WDPCP: variants seen among roughly 807,000 people sequenced by gnomAD.
The protein encoded by WDPCP is WD repeat containing planar cell polarity effector.
In WDPCP, 71 loss-of-function variants were observed where a neutral mutation model predicts 93.1. The observed-to-expected ratio is 0.76, with a 90% CI of 0.63 to 0.93. The LOEUF is 0.93. Among genes scored for constraint, WDPCP ranks in the 40% least tolerant of loss-of-function variants. WDPCP has a pLI of 0.00. For missense variants in WDPCP, 844 were observed against 887.4 expected, an observed-to-expected ratio of 0.95 and a Z score of 0.62; for synonymous variants, 315 against 315.0, an observed-to-expected ratio of 1.00 and a Z score of 0.00.
chr2:63,408,330 G>A (rs931698555), intron 9 of WDPCP, among the ~76,000 whole-genome samples: 1 of 152,146 alleles, frequency 6.6e-6, no homozygotes, highest in African/African-American at 2.4e-5. Flanking sequence ...AGAAACTGAA[G>A]GTCTGTTTGT....
intron 2 of WDPCP, among the ~76,000 whole-genome samples, chr2:63,677,668 TAAA>T (rs1710440604): frequency 1.3e-5 from 2 of 152,126 alleles, no homozygotes; most frequent in Admixed American, 6.6e-5. Flanking sequence ...TTCAAAATGC[TAAA>T]AGAAAATTAC....
chr2:63,547,574 C>T lies in WDPCP; in HGVS notation c.75+40623G>A, dbSNP rs66882849. 7.6e-4 allele frequency among the ~76,000 whole-genome samples: 115 copies of T among 150,924 alleles called. 1 individual carries two copies. The East Asian group carries it at 9.3e-3, about 12-fold the overall frequency. ...GTATGTATACACACACACACACACA[C>T]ACATACACACACAGACACACACACT... On this transcript the variant is annotated intron_variant, in intron 1 of 17. Transcript: ENST00000272321.
intron 15 of WDPCP, among the ~76,000 whole-genome samples, chr2:63,165,567 T>C (rs984587805): frequency 6.6e-6 from 1 of 152,010 alleles, no homozygotes; most frequent in Non-Finnish European, 1.5e-5. Context: ...TACCTGGTCA[T>C]CTGGGCCTTT....
chr2:63,429,642 T>C (rs1442047983), intron 9 of WDPCP, among the ~76,000 whole-genome samples: 1 of 151,984 alleles, frequency 6.6e-6, no homozygotes. Context: ...TGAGATACCA[T>C]CTCACACCAG....
chr2:63,379,487 G>A (rs1320617073), intron 11 of WDPCP, among the ~76,000 whole-genome samples: 1 of 151,950 alleles, frequency 6.6e-6, no homozygotes, highest in African/African-American at 2.4e-5. Flanking sequence ...AACTTTAGGG[G>A]TATTTTCTTT....
chr2:63,836,538 G>GT, the WDPCP span, among the ~76,000 whole-genome samples: 2 of 152,098 alleles, frequency 1.3e-5, no homozygotes, highest in South Asian at 4.2e-4. Flanking sequence ...TTTCTTATTA[G>GT]TTTTTTTATC....
intron 8 of WDPCP, 21 bp from the exon 9 acceptor site, chr2:63,433,957 T>C (rs1696954137): frequency 1.2e-6 from 2 of 1,609,570 alleles, no homozygotes; most frequent in African/African-American, 1.3e-5. Context: ...TAAAAAAGCA[T>C]ACATGAAACA....
chr2:63,669,487 G>C (rs375580316), intron 2 of WDPCP, among the ~76,000 whole-genome samples: 1 of 151,864 alleles, frequency 6.6e-6, no homozygotes, highest in South Asian at 2.1e-4. Context: ...AGCCTCCCGA[G>C]TAGATGGGAT....
At chr2:63,811,814 T>C (rs1670866810) in intron 2 of WDPCP, among the ~76,000 whole-genome samples, 1 of 152,172 alleles carries the variant, frequency 6.6e-6, no homozygotes, top group Non-Finnish European at 1.5e-5. Context: ...TTTGTGTTCA[T>C]GTGTACCCAC....
chr2:63,594,698 G>A (rs1709269881), intron 3 of WDPCP: 2 of 751,710 alleles, frequency 2.7e-6, no homozygotes, highest in Non-Finnish European at 4.4e-6. Context: ...TGTAATCCCA[G>A]TAAATGTAAT....
chr2:63,834,870 G>A, the WDPCP span, among the ~76,000 whole-genome samples: 2 of 152,274 alleles, frequency 1.3e-5, no homozygotes, highest in Middle Eastern at 3.4e-3. Flanking sequence ...GATATTTTTC[G>A]TTAGCAGCTG....
chr2:63,594,778 G>C, intron 3 of WDPCP: 1 of 502,634 alleles, frequency 2.0e-6, no homozygotes, highest in Non-Finnish European at 3.6e-6. Flanking sequence ...AAAACACTTT[G>C]CAAATGAGAA....
intron 3 of WDPCP, among the ~76,000 whole-genome samples, chr2:63,618,405 C>T (rs55635334): frequency 0.013 from 1,994 of 152,300 alleles, 24 homozygotes; most frequent in Non-Finnish European, 0.02. Flanking sequence ...AAAGTACATT[C>T]GAGTCTCATC....
At chr2:63,642,113 ACT>A (rs1160252046) in intron 3 of WDPCP, among the ~76,000 whole-genome samples, 2 of 151,122 alleles carry the variant, frequency 1.3e-5, no homozygotes, top group African/African-American at 2.4e-5. Flanking sequence ...TTGTTTCTGG[ACT>A]CTCTATTCTG....
chr2:63,219,281 G>T (rs1677616363), intron 14 of WDPCP, among the ~76,000 whole-genome samples: 1 of 152,164 alleles, frequency 6.6e-6, no homozygotes, highest in South Asian at 2.1e-4. Context: ...TACAAGTAGG[G>T]TGTGGCTAAA....
chr2:63,820,866 T>A lies in WDPCP; in HGVS notation n.222+6756A>T, dbSNP rs1326170005. On this transcript the variant is annotated intron_variant and non_coding_transcript_variant, in intron 1 of 4. Transcript: ENST00000467687. ...AAGTAAAAAAAACAACAAACAAAAA[T>A]CCCATATAAATTTAACTTAAATTTA... 2.6e-5 allele frequency among the ~76,000 whole-genome samples: 4 copies of A among 152,122 alleles called. No homozygotes were observed. In the South Asian group the frequency reaches 6.2e-4, roughly 24 times the overall value.
chr2:63,786,094 C>T (rs956605945), intron 2 of WDPCP, among the ~76,000 whole-genome samples: 42 of 152,126 alleles, frequency 2.8e-4, no homozygotes, highest in African/African-American at 9.4e-4. Flanking sequence ...GGCTGGAGTG[C>T]AGTGGCGCAA....
At chr2:63,139,149 ATGTG>A (rs1050936250) in intron 17 of WDPCP, among the ~76,000 whole-genome samples, 1 of 136,706 alleles carries the variant, frequency 7.3e-6, no homozygotes, top group Non-Finnish European at 1.6e-5. Context: ...GTGTGTGTAT[ATGTG>A]TATGTATATA....
chr2:63,174,934 C>CT, intron 14 of WDPCP, 102 bp from the exon 15 acceptor site: 5 of 1,310,642 alleles, frequency 3.8e-6, no homozygotes, highest in South Asian at 1.2e-5. Flanking sequence ...CCCAGTGGAA[C>CT]TTTTTTCTTT....
Sources: gnomAD v4.1 joint callset for allele counts (sites outside exome capture counted in the v4.1 genomes callset) on GRCh38, gnomAD v4.1.1 for gene constraint, MANE v1.5 for transcripts, NCBI Gene and HGNC (gene_info 2026-07-23, HGNC 2026-07-21) for gene names.